FRMD5: variants seen among roughly 807,000 people sequenced by gnomAD.
FRMD5 encodes FERM domain-containing protein 5.
A neutral mutation model predicts 69.0 loss-of-function variants in FRMD5; 20 were observed. The ratio of observed to expected loss-of-function variants is 0.29; its 90% CI spans 0.20 to 0.42. The LOEUF is 0.42. Ranked by LOEUF, FRMD5 falls within the 10% of genes least tolerant of loss-of-function variation. The pLI, the probability that FRMD5 is intolerant of heterozygous loss-of-function variation, is 1.00. For synonymous variants in FRMD5, 271 were observed against 260.1 expected (o/e 1.04, Z -0.40); for missense variants, 595 against 708.6 (o/e 0.84, Z 1.82).
intron 1 of FRMD5, among the ~76,000 whole-genome samples, chr15:44,051,083 A>G (rs1892641482): frequency 6.7e-6 from 1 of 148,530 alleles, no homozygotes; most frequent in South Asian, 2.2e-4. Context: ...GAAATTCCAG[A>G]GCCCTGTTAA....
At chr15:43,982,458 G>C (rs2090563171) in intron 1 of FRMD5, among the ~76,000 whole-genome samples, 1 of 152,084 alleles carries the variant, frequency 6.6e-6, no homozygotes, top group African/African-American at 2.4e-5. Context: ...TAACGCTTGA[G>C]GGTTAGCAGC....
At chr15:44,122,269 T>TGAA (rs927647889) in intron 1 of FRMD5, among the ~76,000 whole-genome samples, 5 of 152,038 alleles carry the variant, frequency 3.3e-5, no homozygotes, top group African/African-American at 1.2e-4. Context: ...GACTAAGTTT[T>TGAA]GAAAAGATAA....
chr15:43,925,830 G>A (rs1164052067), intron 1 of FRMD5, among the ~76,000 whole-genome samples: 5 of 152,134 alleles, frequency 3.3e-5, no homozygotes, highest in Non-Finnish European at 5.9e-5. Flanking sequence ...TATTTTTTGA[G>A]GACTCAGCTC....
intron 1 of FRMD5, among the ~76,000 whole-genome samples, chr15:44,064,927 A>G (rs924377307): frequency 1.3e-5 from 2 of 152,236 alleles, no homozygotes; most frequent in African/African-American, 2.4e-5. Flanking sequence ...TTACACAATA[A>G]AAACATAGAC....
intron 1 of FRMD5, among the ~76,000 whole-genome samples, chr15:44,144,813 A>G (rs2077331212): frequency 6.6e-6 from 1 of 152,150 alleles, no homozygotes; most frequent in South Asian, 2.1e-4. Context: ...AGTCCTTCCA[A>G]GCGTTTTAAA....
chr15:44,169,668 C>T (rs555369606), intron 1 of FRMD5, among the ~76,000 whole-genome samples: 2 of 152,234 alleles, frequency 1.3e-5, no homozygotes, highest in Non-Finnish European at 2.9e-5. Context: ...TGCTTTATCA[C>T]CTCTCATCAA....
At chr15:44,081,663 G>T (rs1894001557) in intron 1 of FRMD5, among the ~76,000 whole-genome samples, 1 of 151,728 alleles carries the variant, frequency 6.6e-6, no homozygotes, top group African/African-American at 2.4e-5. Flanking sequence ...TAAAATTATT[G>T]TTCAAACTGA....
intron 1 of FRMD5, among the ~76,000 whole-genome samples, chr15:43,956,173 G>A (rs967810009): frequency 1.3e-5 from 2 of 152,020 alleles, no homozygotes; most frequent in Non-Finnish European, 2.9e-5. Flanking sequence ...GGCAGGATAA[G>A]GTATTTTCTC....
At chr15:44,016,504 C>T (rs962120805) in intron 1 of FRMD5, among the ~76,000 whole-genome samples, 1 of 152,056 alleles carries the variant, frequency 6.6e-6, no homozygotes, top group African/African-American at 2.4e-5. Context: ...AGGTGGATCA[C>T]CTGAGGTTAG....
intron 1 of FRMD5, among the ~76,000 whole-genome samples, chr15:44,193,523 ATC>A (rs1252093120): frequency 6.6e-6 from 1 of 152,228 alleles, no homozygotes; most frequent in African/African-American, 2.4e-5. Flanking sequence ...AATACAGAGC[ATC>A]TCTCTATCAT....
Position 43,896,192 on chromosome 15 carries a change from A to G in FRMD5, c.640-4123T>C, listed in dbSNP as rs994569722. Among the ~76,000 whole-genome samples, 3 of 152,328 alleles carry G rather than the reference A, an allele frequency of 2.0e-5. No homozygotes were observed. In the East Asian group the frequency reaches 5.8e-4, roughly 29 times the overall value. ...TACACTCTGCAGCAGGTAACAGTCGAAATAATCTAGTTCACTTCTTCAGTT... is the reference window on the plus strand; with the variant it reads ...TACACTCTGCAGCAGGTAACAGTCGGAATAATCTAGTTCACTTCTTCAGTT... On this transcript the variant is annotated intron_variant, in intron 7 of 13. Coordinates refer to ENST00000417257, the MANE Select transcript of FRMD5 (RefSeq NM_032892.5).
chr15:44,084,570 C>A (rs892652034), intron 1 of FRMD5, among the ~76,000 whole-genome samples: 1 of 152,072 alleles, frequency 6.6e-6, no homozygotes, highest in African/African-American at 2.4e-5. Context: ...CCCTCTGGGG[C>A]AACACAGCAC....
intron 1 of FRMD5, among the ~76,000 whole-genome samples, chr15:44,051,139 CTTTTTTTTTTT>C (rs779951038): frequency 1.5e-4 from 12 of 78,396 alleles, no homozygotes; most frequent in African/African-American, 3.2e-4. Flanking sequence ...CATTCAGTCA[CTTTTTTTTTTT>C]TTTTTTTTTT....
At position 43,874,065 on chromosome 15, in the gene FRMD5, G is replaced by A. The variant is rs528068782; in HGVS notation, c.1533C>T (p.Leu511=). ...TCAGGAGGAGGAGCAAAACAAAGAG[G>A]AGTCCCATGGTCACAAGGAGCAAAC... ...VLRLLLVTMG[L]LFVLLLLLII... is the part of the protein sequence containing the mutation. The change falls in exon 14 of 14, where the codon CTC becomes CTT. Residue 511 remains leucine, a synonymous_variant. Transcript: ENST00000417257. 1.9e-6 allele frequency: 3 copies of A among 1,614,194 alleles called. No individual in the cohort carries two copies. The highest frequency in any genetic ancestry group is 1.7e-5 in the Admixed American group (1 of 60,032).
intron 1 of FRMD5, among the ~76,000 whole-genome samples, chr15:43,958,048 T>C (rs896463067): frequency 1.3e-5 from 2 of 152,228 alleles, no homozygotes; most frequent in South Asian, 2.1e-4. Flanking sequence ...TTTTTTTGAA[T>C]ATATCTAAGA....
chr15:44,095,012 A>C (rs1320805613), intron 1 of FRMD5, among the ~76,000 whole-genome samples: 1 of 151,994 alleles, frequency 6.6e-6, no homozygotes, highest in African/African-American at 2.4e-5. Context: ...GCCGACATAG[A>C]GTCCCACCCA....
chr15:43,885,531 A>C (rs934496211), intron 11 of FRMD5, 150 bp downstream of exon 11: 1 of 670,940 alleles, frequency 1.5e-6, no homozygotes. Context: ...GGAAATAGTA[A>C]AAGGGTCATA....
intron 1 of FRMD5, among the ~76,000 whole-genome samples, chr15:44,101,252 CTGGCAGCTAT>C (rs1481736382): frequency 1.3e-5 from 2 of 152,088 alleles, no homozygotes; most frequent in African/African-American, 4.8e-5. Context: ...GCTTTGTGGC[CTGGCAGCTAT>C]TCACATGATT....
At chr15:43,995,059 C>A (rs1292256590) in intron 1 of FRMD5, among the ~76,000 whole-genome samples, 1 of 152,202 alleles carries the variant, frequency 6.6e-6, no homozygotes, top group Non-Finnish European at 1.5e-5. Context: ...CCCTCAGCAT[C>A]TGTGGGGAAT....
Sources: gnomAD v4.1 joint callset for allele counts (sites outside exome capture counted in the v4.1 genomes callset) on GRCh38, gnomAD v4.1.1 for gene constraint, MANE v1.5 for transcripts, NCBI Gene and HGNC (gene_info 2026-07-23, HGNC 2026-07-21) for gene names.